The following HERC3 variants were observed in gnomAD, a reference collection of about 807,000 sequenced individuals.
The protein encoded by HERC3 is HECT and RLD domain containing E3 ubiquitin protein ligase 3, also known as probable E3 ubiquitin-protein ligase HERC3.
Under a neutral mutation model 129.9 loss-of-function variants are expected in HERC3, and 58 were observed. The observed-to-expected ratio is 0.45, with a 90% CI of 0.36 to 0.56. HERC3 has a LOEUF of 0.56. HERC3 is among the 20% of genes least tolerant of loss of function. The pLI is 0.00. For synonymous variants in HERC3, 430 were observed against 451.0 expected (o/e 0.95, Z 0.59); for missense variants, 835 against 1,244.2 (o/e 0.67, Z 4.95).
chr4:88,582,394 G>C, the HERC3 span, among the ~76,000 whole-genome samples: 5 of 152,248 alleles, frequency 3.3e-5, no homozygotes, highest in Non-Finnish European at 7.4e-5. Flanking sequence ...TTGGCATGCT[G>C]AGTGCTTCGA....
At chr4:88,559,800 C>T in the HERC3 span, among the ~76,000 whole-genome samples, 1 of 152,002 alleles carries the variant, frequency 6.6e-6, no homozygotes, top group Admixed American at 6.6e-5. Flanking sequence ...TGTGTATGCA[C>T]CCAGAAGAAG....
chr4:88,678,179 C>T, intron 19 of HERC3, 45 bp downstream of exon 19: 1 of 1,555,078 alleles, frequency 6.4e-7, no homozygotes, highest in East Asian at 2.2e-5. Flanking sequence ...CGCAATTTTT[C>T]TTTGAACAGT....
chr4:88,529,528 G>A, the HERC3 span, among the ~76,000 whole-genome samples: 43,890 of 151,994 alleles, frequency 0.29, 7,319 homozygotes, highest in East Asian at 0.81. Context: ...GGCCAAGGCC[G>A]GTGGATCACG....
chr4:88,682,332 T>A (rs561645208), intron 21 of HERC3, among the ~76,000 whole-genome samples: 60 of 152,238 alleles, frequency 3.9e-4, no homozygotes, highest in African/African-American at 1.3e-3. Flanking sequence ...TTATTTTTTT[T>A]AAATTATACT....
intron 7 of HERC3, among the ~76,000 whole-genome samples, chr4:88,654,484 T>TTA (rs964524629): frequency 8.3e-5 from 12 of 144,800 alleles, no homozygotes; most frequent in African/African-American, 1.7e-4. Context: ...ATGTATATAT[T>TTA]TATATATATA....
chr4:88,550,700 C>T, the HERC3 span, among the ~76,000 whole-genome samples: 496 of 145,854 alleles, frequency 3.4e-3, 5 homozygotes, highest in South Asian at 7.3e-3. Flanking sequence ...GTGAAAATGG[C>T]CATACTGCCC....
At chr4:88,530,358 A>C in the HERC3 span, among the ~76,000 whole-genome samples, 44,540 of 152,018 alleles carry the variant, frequency 0.29, 7,430 homozygotes, top group East Asian at 0.77. Flanking sequence ...TAAACAGCAC[A>C]GGATAAAGTT....
intron 3 of HERC3, among the ~76,000 whole-genome samples, chr4:88,616,337 G>C (rs141250063): frequency 6.6e-6 from 1 of 152,122 alleles, no homozygotes; most frequent in South Asian, 2.1e-4. Context: ...ATCCAAAATG[G>C]CAAAGATAAG....
chr4:88,659,417 C>T (rs140658059), intron 10 of HERC3, among the ~76,000 whole-genome samples: 3 of 152,292 alleles, frequency 2.0e-5, no homozygotes, highest in African/African-American at 7.2e-5. Context: ...AAGTATTTGC[C>T]TTCTAGTCAT....
chr4:88,572,867 A>C, the HERC3 span, among the ~76,000 whole-genome samples: 1 of 152,104 alleles, frequency 6.6e-6, no homozygotes, highest in African/African-American at 2.4e-5. Context: ...CCTATAATTA[A>C]AGTTATATAA....
chr4:88,576,000 A>G, the HERC3 span, among the ~76,000 whole-genome samples: 58 of 152,292 alleles, frequency 3.8e-4, no homozygotes, highest in African/African-American at 1.2e-3. Context: ...TCCTTCCTCA[A>G]TCGTTTTGAC....
chr4:88,697,360 C>T, intron 23 of HERC3: 1 of 1,614,068 alleles, frequency 6.2e-7, no homozygotes, highest in Non-Finnish European at 8.5e-7. Context: ...CTCCAAGGTC[C>T]ATGCACACCC....
chr4:88,549,771 A>G, the HERC3 span, among the ~76,000 whole-genome samples: 5 of 150,036 alleles, frequency 3.3e-5, no homozygotes, highest in African/African-American at 5.0e-5. Flanking sequence ...GTGTCGCAAT[A>G]TTGGTTCACT....
intron 3 of HERC3, among the ~76,000 whole-genome samples, chr4:88,616,659 A>G (rs539443537): frequency 3.9e-5 from 6 of 152,264 alleles, no homozygotes; most frequent in South Asian, 4.2e-4. Context: ...CTAAACCTAC[A>G]TGATCTCTGT....
intron 3 of HERC3, among the ~76,000 whole-genome samples, chr4:88,620,548 A>C (rs1725402011): frequency 6.6e-6 from 1 of 152,130 alleles, no homozygotes; most frequent in Non-Finnish European, 1.5e-5. Context: ...TCAGGATCTC[A>C]TACCTCTTCT....
intron 23 of HERC3, chr4:88,697,300 T>TC: frequency 6.2e-7 from 1 of 1,607,614 alleles, no homozygotes. Context: ...CTCCTCGTCT[T>TC]CCCCCTCCTC....
the HERC3 span, among the ~76,000 whole-genome samples, chr4:88,578,275 T>A: frequency 0.041 from 6,197 of 152,182 alleles, 401 homozygotes; most frequent in African/African-American, 0.14. Context: ...GTATATGGCA[T>A]AATGTATAAG....
At chr4:88,650,117 T>C in intron 4 of HERC3, 118 bp downstream of exon 4, 2 of 993,754 alleles carry the variant, frequency 2.0e-6, no homozygotes, top group Non-Finnish European at 3.0e-6. Flanking sequence ...GCACCACTCC[T>C]GTGCCTTATA....
Position 88,707,004 on chromosome 4 carries a change from C to G in HERC3, c.*44C>G. 9 of 1,409,470 alleles carry G rather than the reference C, an allele frequency of 6.4e-6. No homozygotes were observed. The highest frequency in any genetic ancestry group is 8.0e-6 in the Non-Finnish European group (8 of 994,134). 87.3% of individuals were successfully genotyped at this position (1,409,470 alleles called of 1,614,324 possible). A position where few individuals can be genotyped will look rare whatever the true frequency, so the allele number is the denominator to read the frequency against. ...GTATTTCCCTTCGTTCCTCAGTGTCCACATTGAGGCCTATACAGAAAATCA... is the reference window on the plus strand; with the variant it reads ...GTATTTCCCTTCGTTCCTCAGTGTCGACATTGAGGCCTATACAGAAAATCA... On this transcript the variant is annotated 3_prime_UTR_variant, in exon 26 of 26. Coordinates refer to ENST00000402738, the MANE Select transcript of HERC3 (RefSeq NM_014606.3).
Sources: gnomAD v4.1 joint callset for allele counts (sites outside exome capture counted in the v4.1 genomes callset) on GRCh38, gnomAD v4.1.1 for gene constraint, MANE v1.5 for transcripts, NCBI Gene and HGNC (gene_info 2026-07-23, HGNC 2026-07-21) for gene names.